The following PARD3 variants were observed in gnomAD, a reference collection of about 807,000 sequenced individuals.
The protein encoded by PARD3 is par-3 family cell polarity regulator, also known as partitioning defective 3 homolog.
PARD3 carries 75 observed loss-of-function variants against 155.4 expected under a neutral mutation model. The ratio of observed to expected loss-of-function variants is 0.48; its 90% CI spans 0.40 to 0.58. PARD3 has a LOEUF of 0.58. Ranked by LOEUF, PARD3 falls within the 20% of genes least tolerant of loss-of-function variation. PARD3 has a pLI of 0.00. For missense variants in PARD3, 1,642 were observed against 1,721.7 expected (o/e 0.95, Z 0.82); for synonymous variants, 576 against 610.5 (o/e 0.94, Z 0.83).
intron 4 of PARD3, among the ~76,000 whole-genome samples, chr10:34,462,400 ATCT>A (rs1310021796): frequency 2.6e-5 from 4 of 152,260 alleles, no homozygotes; most frequent in African/African-American, 2.4e-5. Context: ...GTTTAAAATA[ATCT>A]TCTTCAAATC....
chr10:34,150,741 A>C (rs1948738851), intron 22 of PARD3, among the ~76,000 whole-genome samples: 1 of 152,234 alleles, frequency 6.6e-6, no homozygotes, highest in Non-Finnish European at 1.5e-5. Context: ...AGGGGCTGCC[A>C]ATCCAATTAC....
chr10:34,767,702 G>C (rs891674919), intron 1 of PARD3, among the ~76,000 whole-genome samples: 3 of 151,840 alleles, frequency 2.0e-5, no homozygotes, highest in African/African-American at 7.3e-5. Flanking sequence ...GGGTTCATGC[G>C]ATTCTCCTGC....
At chr10:34,798,511 C>G (rs2134307514) in intron 1 of PARD3, among the ~76,000 whole-genome samples, 1 of 151,936 alleles carries the variant, frequency 6.6e-6, no homozygotes, top group African/African-American at 2.4e-5. Context: ...TCAAGACCAC[C>G]CTGACCAACA....
At chr10:34,814,751 G>C in intron 1 of PARD3, 125 bp downstream of exon 1, 2 of 845,230 alleles carry the variant, frequency 2.4e-6, no homozygotes, top group Non-Finnish European at 3.4e-6. Flanking sequence ...CGCGAGGCCC[G>C]ACCGGCCGCA....
At chr10:34,681,758 ATATATATATATTTTT>A (rs1418178107) in intron 2 of PARD3, among the ~76,000 whole-genome samples, 4 of 20,090 alleles carry the variant, frequency 2.0e-4, no homozygotes, top group African/African-American at 5.4e-4. Context: ...ATATATATAT[ATATATATATATTTTT>A]TTTTTTTTTT....
intron 22 of PARD3, among the ~76,000 whole-genome samples, chr10:34,265,053 C>A (rs981539244): frequency 6.6e-6 from 1 of 152,296 alleles, no homozygotes; most frequent in South Asian, 2.1e-4. Context: ...GCCCGGCCTA[C>A]GCCAACATTT....
rs575300129 is a variant in PARD3 at position 34,566,754 on chromosome 10, A to G, written c.223-49595T>C. 4.9e-4 allele frequency among the ~76,000 whole-genome samples: 74 copies of G among 152,328 alleles called. 1 individual carries two copies. Among genetic ancestry groups the G allele is most frequent in the Admixed American group, 2.5e-3 (38 of 15,298 alleles). On this transcript the variant is annotated intron_variant, in intron 2 of 24. Transcript: ENST00000374788. ...TAGATACTGACTAAATAAATTAACC[A>G]AAGTTTTTTTTACAATTGGCACCAT...
At chr10:34,229,448 A>T (rs1302343105) in intron 22 of PARD3, among the ~76,000 whole-genome samples, 1 of 151,958 alleles carries the variant, frequency 6.6e-6, no homozygotes, top group Non-Finnish European at 1.5e-5. Flanking sequence ...GGGTCTTGCT[A>T]TGTGACCCAG....
At chr10:34,210,242 T>C (rs1951679211) in intron 22 of PARD3, among the ~76,000 whole-genome samples, 1 of 152,208 alleles carries the variant, frequency 6.6e-6, no homozygotes. Context: ...TATGTGTGTG[T>C]GTAGTGCAGG....
At chr10:34,671,605 A>C (rs2093610999) in intron 2 of PARD3, among the ~76,000 whole-genome samples, 1 of 152,228 alleles carries the variant, frequency 6.6e-6, no homozygotes, top group African/African-American at 2.4e-5. Flanking sequence ...TGCTATCACC[A>C]TACAAGGCTA....
intron 2 of PARD3, among the ~76,000 whole-genome samples, chr10:34,687,031 A>T (rs1395528956): frequency 2.6e-5 from 4 of 152,292 alleles, no homozygotes; most frequent in Admixed American, 6.5e-5. Context: ...TCCGGGCGAC[A>T]GAGCAAGACT....
At chr10:34,508,262 TAAA>T (rs1013373032) in intron 3 of PARD3, among the ~76,000 whole-genome samples, 1 of 152,020 alleles carries the variant, frequency 6.6e-6, no homozygotes, top group Non-Finnish European at 1.5e-5. Flanking sequence ...ACATAGCTAA[TAAA>T]AAGTTAAAAA....
At chr10:34,517,517 T>C (rs918971099) in intron 2 of PARD3, among the ~76,000 whole-genome samples, 1 of 152,192 alleles carries the variant, frequency 6.6e-6, no homozygotes, top group African/African-American at 2.4e-5. Flanking sequence ...TATACATATA[T>C]ATCTGTGTGT....
chr10:34,323,822 A>G (rs1958521951), intron 19 of PARD3, among the ~76,000 whole-genome samples: 1 of 152,188 alleles, frequency 6.6e-6, no homozygotes, highest in Non-Finnish European at 1.5e-5. Flanking sequence ...CAATTTTCTG[A>G]ACCTTCGCAA....
At chr10:34,732,138 ACT>A (rs1304758867) in intron 1 of PARD3, among the ~76,000 whole-genome samples, 1 of 152,146 alleles carries the variant, frequency 6.6e-6, no homozygotes, top group Non-Finnish European at 1.5e-5. Flanking sequence ...TGAGATATGC[ACT>A]CTTTCAACCT....
At chr10:34,585,730 TA>T (rs1219810185) in intron 2 of PARD3, among the ~76,000 whole-genome samples, 3 of 152,098 alleles carry the variant, frequency 2.0e-5, no homozygotes, top group Non-Finnish European at 2.9e-5. Context: ...TAAAATCCCA[TA>T]ACATTAATTT....
intron 3 of PARD3, among the ~76,000 whole-genome samples, chr10:34,473,524 A>G (rs1240455286): frequency 1.9e-5 from 2 of 103,496 alleles, no homozygotes; most frequent in Admixed American, 8.4e-5. Flanking sequence ...CTGTCTCTAC[A>G]AAAAATAAAA....
intron 4 of PARD3, among the ~76,000 whole-genome samples, chr10:34,467,338 T>TGTGTGTGTGG (rs2078074002): frequency 6.9e-6 from 1 of 144,082 alleles, no homozygotes; most frequent in African/African-American, 2.9e-5. Flanking sequence ...CTTGTGTGTG[T>TGTGTGTGTGG]GTGTGTGTGT....
intron 22 of PARD3, among the ~76,000 whole-genome samples, chr10:34,165,889 A>T (rs1264767867): frequency 6.6e-6 from 1 of 152,226 alleles, no homozygotes; most frequent in Non-Finnish European, 1.5e-5. Context: ...TATTCTAATC[A>T]CCTGGTAAGT....
Sources: allele counts gnomAD v4.1 joint callset (sites outside exome capture counted in the v4.1 genomes callset), GRCh38; gene constraint gnomAD v4.1.1; transcripts MANE v1.5; gene names NCBI Gene and HGNC (gene_info 2026-07-23, HGNC 2026-07-21).